The following EFL1 variants were observed in gnomAD, a reference collection of about 807,000 sequenced individuals.
The protein encoded by EFL1 is elongation factor-like GTPase 1.
A neutral mutation model predicts 126.7 loss-of-function variants in EFL1; 76 were observed. That is an observed-to-expected ratio of 0.60 (90% CI 0.50 to 0.73). EFL1 has a LOEUF of 0.73. Among genes scored for constraint, EFL1 ranks in the 30% least tolerant of loss-of-function variants. EFL1 has a pLI of 0.00. For synonymous variants in EFL1, 410 were observed against 448.4 expected, an observed-to-expected ratio of 0.91 and a Z score of 1.08; for missense variants, 1,128 against 1,343.2, an observed-to-expected ratio of 0.84 and a Z score of 2.50.
intron 14 of EFL1, 36 bp downstream of exon 14, chr15:82,219,616 G>A (rs775857629): frequency 6.4e-7 from 1 of 1,573,550 alleles, no homozygotes; most frequent in Non-Finnish European, 8.6e-7. Flanking sequence ...AGACCCTCGA[G>A]AAACAATATA....
Position 82,151,838 on chromosome 15 carries a change from G to A in EFL1, c.2616C>T (p.Gly872=), listed in dbSNP as rs1442878466. The change falls in exon 18 of 20, where the codon GGC becomes GGT. Residue 872 remains glycine (G), a synonymous_variant. Coordinates refer to ENST00000268206, the MANE Select transcript of EFL1 (RefSeq NM_024580.6). ...YRDLGNSIVS[G]FQLATLSGPM... is the part of the protein sequence containing the mutation. ...GGCCAGAGAGGGTTGCTAGTTGGAAGCCACTCACAATGCTATTGCCCAAAT... is the reference window on the plus strand; with the variant it reads ...GGCCAGAGAGGGTTGCTAGTTGGAAACCACTCACAATGCTATTGCCCAAAT... 6.2e-7 allele frequency: 1 copy of A among 1,614,118 alleles called. No individual in the cohort carries two copies. The highest frequency in any genetic ancestry group is 8.5e-7 in the Non-Finnish European group (1 of 1,180,026).
At chr15:82,228,689 A>G (rs1456681520) in intron 9 of EFL1, among the ~76,000 whole-genome samples, 1 of 152,200 alleles carries the variant, frequency 6.6e-6, no homozygotes, top group African/African-American at 2.4e-5. Flanking sequence ...TTATTTCTCA[A>G]CTTCCCCATT....
At chr15:82,255,900 C>T (rs1800952567) in intron 3 of EFL1, among the ~76,000 whole-genome samples, 1 of 152,190 alleles carries the variant, frequency 6.6e-6, no homozygotes, top group Non-Finnish European at 1.5e-5. Context: ...TCTTCAGTCC[C>T]GGCTATTAAT....
At chr15:82,131,020 G>GA (rs916156998) in intron 19 of EFL1, among the ~76,000 whole-genome samples, 4 of 144,188 alleles carry the variant, frequency 2.8e-5, no homozygotes, top group Non-Finnish European at 3.1e-5. Flanking sequence ...AACTTAAAAA[G>GA]AAAAAAAAAA....
At chr15:82,130,815 T>C (rs1312697374) in intron 19 of EFL1, among the ~76,000 whole-genome samples, 4 of 151,878 alleles carry the variant, frequency 2.6e-5, no homozygotes, top group African/African-American at 9.7e-5. Context: ...CTGGACAACA[T>C]GGTGAAACCC....
At chr15:82,153,705 TTAC>T (rs1032146863) in intron 17 of EFL1, among the ~76,000 whole-genome samples, 1 of 152,214 alleles carries the variant, frequency 6.6e-6, no homozygotes, top group African/African-American at 2.4e-5. Flanking sequence ...AAGGAATAAT[TTAC>T]TACAACACTA....
chr15:82,164,851 C>T (rs180763760), intron 15 of EFL1, among the ~76,000 whole-genome samples: 51 of 148,498 alleles, frequency 3.4e-4, no homozygotes, highest in Admixed American at 3.0e-3. Flanking sequence ...GAGCCAAGAT[C>T]GTGCCACTGC....
chr15:82,201,487 T>C (rs2074467337), intron 15 of EFL1, among the ~76,000 whole-genome samples: 1 of 152,224 alleles, frequency 6.6e-6, no homozygotes, highest in Admixed American at 6.5e-5. Context: ...TCTACGTGCT[T>C]GCAACCCCTA....
At position 82,151,904 on chromosome 15, in the gene EFL1, A is replaced by C; in HGVS notation, c.2550T>G (p.Gly850=). The C allele has an allele frequency of 6.2e-7, 1 of 1,614,084 alleles. No homozygotes were observed. Among genetic ancestry groups the C allele is most frequent in the Non-Finnish European group, 8.5e-7 (1 of 1,180,020 alleles). ...SEDFQNSVWT[G]PADKASKEAS... ...CTTCTTTTGAAGCTTTGTCAGCTGG[A>C]CCTGTCCATACTGAGTTCTGAAAAT... Residue 850 remains glycine (G), a synonymous_variant, in exon 18 of 20, where the codon GGT becomes GGG. Coordinates refer to ENST00000268206, the MANE Select transcript of EFL1 (RefSeq NM_024580.6).
intron 19 of EFL1, 62 bp from the exon 20 acceptor site, chr15:82,130,623 C>T (rs781371063): frequency 9.7e-6 from 15 of 1,545,348 alleles, no homozygotes; most frequent in Non-Finnish European, 1.3e-5. Context: ...ACCTTATTCA[C>T]TGAGCTCCCC....
At chr15:82,207,248 C>T (rs1358406028) in intron 15 of EFL1, among the ~76,000 whole-genome samples, 1 of 149,944 alleles carries the variant, frequency 6.7e-6, no homozygotes, top group Non-Finnish European at 1.5e-5. Context: ...AAAACTAACC[C>T]TAATCTCAAG....
intron 19 of EFL1, among the ~76,000 whole-genome samples, chr15:82,133,279 T>C (rs1403189597): frequency 5.9e-5 from 9 of 152,184 alleles, no homozygotes; most frequent in Admixed American, 5.9e-4. Context: ...TATTCTGGCA[T>C]TATGGTTCTT....
intron 12 of EFL1, among the ~76,000 whole-genome samples, chr15:82,224,123 GA>G (rs1174785605): frequency 6.6e-6 from 1 of 151,982 alleles, no homozygotes; most frequent in Non-Finnish European, 1.5e-5. Flanking sequence ...AAATCTAGTC[GA>G]AACATGGTTT....
At chr15:82,214,366 T>C (rs2074621408) in intron 15 of EFL1, among the ~76,000 whole-genome samples, 1 of 152,246 alleles carries the variant, frequency 6.6e-6, no homozygotes, top group Non-Finnish European at 1.5e-5. Flanking sequence ...GAATAGTTTC[T>C]GACAATTTAG....
intron 15 of EFL1, among the ~76,000 whole-genome samples, chr15:82,200,650 T>C (rs2074458126): frequency 6.6e-6 from 1 of 152,174 alleles, no homozygotes; most frequent in Non-Finnish European, 1.5e-5. Flanking sequence ...ACCAGTTAGT[T>C]TCAGTGTACT....
intron 15 of EFL1, among the ~76,000 whole-genome samples, chr15:82,192,569 C>G (rs965208350): frequency 1.3e-5 from 2 of 152,158 alleles, no homozygotes; most frequent in Non-Finnish European, 1.5e-5. Flanking sequence ...GCAGTCATAG[C>G]TCACTGCTTT....
At chr15:82,159,748 T>C (rs940378253) in intron 16 of EFL1, among the ~76,000 whole-genome samples, 2 of 152,234 alleles carry the variant, frequency 1.3e-5, no homozygotes, top group Non-Finnish European at 2.9e-5. Context: ...ATGTTCACTA[T>C]ATACATTTTA....
intron 17 of EFL1, among the ~76,000 whole-genome samples, chr15:82,156,382 G>A (rs918356933): frequency 2.6e-5 from 4 of 152,102 alleles, no homozygotes; most frequent in Non-Finnish European, 4.4e-5. Context: ...TGCCTCCTGG[G>A]TCAAGCAATT....
At chr15:82,217,752 T>G (rs1370803125) in intron 14 of EFL1, among the ~76,000 whole-genome samples, 1 of 152,182 alleles carries the variant, frequency 6.6e-6, no homozygotes, top group Non-Finnish European at 1.5e-5. Flanking sequence ...TTCTCGAGTG[T>G]GAGTGGGACC....
Sources: gnomAD v4.1 joint callset for allele counts (sites outside exome capture counted in the v4.1 genomes callset) on GRCh38, gnomAD v4.1.1 for gene constraint, MANE v1.5 for transcripts, NCBI Gene and HGNC (gene_info 2026-07-23, HGNC 2026-07-21) for gene names.